ZNF804A: variants seen among roughly 807,000 people sequenced by gnomAD.
ZNF804A encodes zinc finger protein 804A.
A neutral mutation model predicts 16.5 loss-of-function variants in ZNF804A; 2 were observed. That is an observed-to-expected ratio of 0.12 (90% CI 0.05 to 0.38). The LOEUF (loss-of-function observed/expected upper bound fraction) is 0.38. Ranked by LOEUF, ZNF804A falls within the 10% of genes least tolerant of loss-of-function variation. ZNF804A has a pLI of 0.99. For synonymous variants in ZNF804A, 534 were observed against 489.6 expected, an observed-to-expected ratio of 1.09 and a Z score of -1.20; for missense variants, 1,473 against 1,390.7, an observed-to-expected ratio of 1.06 and a Z score of -0.94.
intron 1 of ZNF804A, among the ~76,000 whole-genome samples, chr2:184,812,167 G>T (rs893622137): frequency 2.0e-5 from 3 of 152,064 alleles, no homozygotes; most frequent in Non-Finnish European, 4.4e-5. Context: ...CAGTTACCTG[G>T]CCCTACAAGC....
At chr2:184,645,590 T>C (rs1013671815) in intron 1 of ZNF804A, among the ~76,000 whole-genome samples, 2 of 152,204 alleles carry the variant, frequency 1.3e-5, no homozygotes, top group Non-Finnish European at 2.9e-5. Context: ...GAAAAGCTGA[T>C]AACATTATTG....
intron 1 of ZNF804A, among the ~76,000 whole-genome samples, chr2:184,758,730 C>A (rs1340850823): frequency 6.6e-6 from 1 of 151,858 alleles, no homozygotes; most frequent in Non-Finnish European, 1.5e-5. Flanking sequence ...AATGATATAA[C>A]ACAATATGAT....
intron 1 of ZNF804A, among the ~76,000 whole-genome samples, chr2:184,599,419 C>A (rs533388341): frequency 6.6e-6 from 1 of 152,230 alleles, no homozygotes; most frequent in Non-Finnish European, 1.5e-5. Flanking sequence ...TTTTGTTTGG[C>A]TTAGGAGGCT....
At chr2:184,643,353 T>C (rs1248030908) in intron 1 of ZNF804A, among the ~76,000 whole-genome samples, 1 of 151,980 alleles carries the variant, frequency 6.6e-6, no homozygotes, top group Non-Finnish European at 1.5e-5. Context: ...TTCCCATAAA[T>C]GGCAATAAAA....
chr2:184,695,467 A>G (rs1692816266), intron 1 of ZNF804A, among the ~76,000 whole-genome samples: 1 of 137,262 alleles, frequency 7.3e-6, no homozygotes, highest in African/African-American at 2.8e-5. Context: ...TCCGTCATTA[A>G]AAAAAAAAAA....
chr2:184,640,808 A>G (rs1335752663), intron 1 of ZNF804A, among the ~76,000 whole-genome samples: 1 of 152,206 alleles, frequency 6.6e-6, no homozygotes, highest in Non-Finnish European at 1.5e-5. Flanking sequence ...AACGAAATAC[A>G]TGGGGCATCT....
intron 1 of ZNF804A, among the ~76,000 whole-genome samples, chr2:184,650,671 T>C (rs1044037148): frequency 6.6e-6 from 1 of 151,568 alleles, no homozygotes; most frequent in African/African-American, 2.4e-5. Flanking sequence ...AAGAACACAA[T>C]CCCATTTACA....
At chr2:184,865,227 T>C (rs1487512405) in intron 1 of ZNF804A, among the ~76,000 whole-genome samples, 1 of 151,952 alleles carries the variant, frequency 6.6e-6, no homozygotes, top group East Asian at 1.9e-4. Context: ...AATCTGGAAG[T>C]TAGAAACATA....
intron 1 of ZNF804A, among the ~76,000 whole-genome samples, chr2:184,642,632 T>C (rs908829345): frequency 9.7e-6 from 1 of 102,792 alleles, no homozygotes; most frequent in Non-Finnish European, 2.5e-5. Flanking sequence ...TCTGTGGGTA[T>C]ATGAAAACCA....
At chr2:184,605,839 T>A (rs1436494848) in intron 1 of ZNF804A, among the ~76,000 whole-genome samples, 1 of 152,154 alleles carries the variant, frequency 6.6e-6, no homozygotes, top group Non-Finnish European at 1.5e-5. Flanking sequence ...CCATGATTCA[T>A]TAATTTTATA....
intron 1 of ZNF804A, among the ~76,000 whole-genome samples, chr2:184,680,258 T>A (rs532119930): frequency 6.6e-6 from 1 of 152,104 alleles, no homozygotes; most frequent in Non-Finnish European, 1.5e-5. Flanking sequence ...ACTGCGGGTC[T>A]CCTCTCTGCT....
intron 1 of ZNF804A, among the ~76,000 whole-genome samples, chr2:184,716,262 G>A (rs1204697948): frequency 1.3e-5 from 2 of 152,020 alleles, no homozygotes; most frequent in East Asian, 3.9e-4. Context: ...CTTTCTTCAT[G>A]TATTTTCCTA....
intron 1 of ZNF804A, among the ~76,000 whole-genome samples, chr2:184,787,826 G>GTT (rs71011058): frequency 2.1e-5 from 3 of 143,024 alleles, no homozygotes; most frequent in South Asian, 2.2e-4. Context: ...TTCTTTTGCT[G>GTT]TTTTTTTTTT....
chr2:184,813,414 A>G (rs1158651343), intron 1 of ZNF804A, among the ~76,000 whole-genome samples: 1 of 152,122 alleles, frequency 6.6e-6, no homozygotes, highest in Non-Finnish European at 1.5e-5. Flanking sequence ...TGAGCTGGAT[A>G]TTGAAAATTT....
At chr2:184,829,972 T>C (rs1574231954) in intron 1 of ZNF804A, among the ~76,000 whole-genome samples, 1 of 137,638 alleles carries the variant, frequency 7.3e-6, no homozygotes, top group African/African-American at 2.7e-5. Context: ...CTGGATATGG[T>C]GGCACTTACC....
At chr2:184,817,892 A>G (rs1205853647) in intron 1 of ZNF804A, among the ~76,000 whole-genome samples, 3 of 152,016 alleles carry the variant, frequency 2.0e-5, no homozygotes, top group Non-Finnish European at 1.5e-5. Flanking sequence ...AAAACCTCTG[A>G]GAAATAAGGG....
chr2:184,910,407 C>T (rs932753711), intron 2 of ZNF804A, among the ~76,000 whole-genome samples: 9 of 152,002 alleles, frequency 5.9e-5, no homozygotes, highest in African/African-American at 2.2e-4. Context: ...CACATCTTTG[C>T]TATTGTGAAT....
At chr2:184,859,785 T>A (rs1403784089) in intron 1 of ZNF804A, among the ~76,000 whole-genome samples, 2 of 152,234 alleles carry the variant, frequency 1.3e-5, no homozygotes, top group Non-Finnish European at 2.9e-5. Context: ...GCAGGCCACC[T>A]GGCATGATTC....
At chr2:184,618,876 A>G (rs1332461220) in intron 1 of ZNF804A, among the ~76,000 whole-genome samples, 1 of 152,046 alleles carries the variant, frequency 6.6e-6, no homozygotes, top group African/African-American at 2.4e-5. Flanking sequence ...GTTTATAGAG[A>G]TTGGTTTTCA....
Sources: gnomAD v4.1 joint callset for allele counts (sites outside exome capture counted in the v4.1 genomes callset) on GRCh38, gnomAD v4.1.1 for gene constraint, MANE v1.5 for transcripts, NCBI Gene and HGNC (gene_info 2026-07-23, HGNC 2026-07-21) for gene names.